Variants in LRMDA observed in about 807,000 individuals in gnomAD.
The protein encoded by LRMDA is leucine rich melanocyte differentiation associated, also known as leucine-rich melanocyte differentiation-associated protein.
A neutral mutation model predicts 29.8 loss-of-function variants in LRMDA; 18 were observed. That is an observed-to-expected ratio of 0.60 (90% CI 0.42 to 0.90). The LOEUF (loss-of-function observed/expected upper bound fraction) is 0.90. Ranked by LOEUF, LRMDA falls within the 40% of genes least tolerant of loss-of-function variation. The pLI, the probability that LRMDA is intolerant of heterozygous loss-of-function variation, is 0.00. For synonymous variants in LRMDA, 125 were observed against 109.4 expected (o/e 1.14, Z -0.89); for missense variants, 273 against 273.9 (o/e 1.00, Z 0.02).
intron 5 of LRMDA, among the ~76,000 whole-genome samples, chr10:76,191,551 C>T (rs1851246966): frequency 6.6e-6 from 1 of 152,110 alleles, no homozygotes; most frequent in South Asian, 2.1e-4. Context: ...AATGGCTAGG[C>T]AACTTGGGGA....
chr10:76,089,814 A>G (rs1053247092), intron 5 of LRMDA, among the ~76,000 whole-genome samples: 1 of 152,214 alleles, frequency 6.6e-6, no homozygotes, highest in Admixed American at 6.5e-5. Context: ...TGGATAAATT[A>G]TAAGTTTGGG....
intron 6 of LRMDA, among the ~76,000 whole-genome samples, chr10:76,460,940 T>A (rs118154283): frequency 3.7e-3 from 566 of 152,296 alleles, no homozygotes; most frequent in Non-Finnish European, 6.2e-3. Context: ...CTGGCTCTGA[T>A]GTTTCTTCTT....
chr10:75,465,369 A>G (rs756219123), intron 2 of LRMDA, among the ~76,000 whole-genome samples: 10 of 152,180 alleles, frequency 6.6e-5, no homozygotes, highest in African/African-American at 2.2e-4. Context: ...ACGCACATCT[A>G]TCTTGTGTTT....
chr10:76,164,468 TTTTG>T (rs1850699293), intron 5 of LRMDA, among the ~76,000 whole-genome samples: 6 of 152,210 alleles, frequency 3.9e-5, no homozygotes, highest in Admixed American at 3.9e-4. Context: ...GTGGCTTGTT[TTTTG>T]TTTGTTTGTT....
intron 6 of LRMDA, among the ~76,000 whole-genome samples, chr10:76,419,521 C>T (rs763481086): frequency 2.0e-5 from 3 of 151,956 alleles, no homozygotes; most frequent in Non-Finnish European, 2.9e-5. Flanking sequence ...ATAAATCTGC[C>T]GTAAACATCT....
In LRMDA at chr10:75,438,424, A is replaced by G. The variant is rs11001391; in HGVS notation, c.61A>G (p.Ile21Val). ...CTACATAGGCCAGGACTGCAGAGAA[A>G]TTCCAGAGCACCTTGGCAGGGACTG... is the stretch of plus-strand genomic sequence containing the variant. Reference protein sequence around the residue: ...VSYIGQDCREIPEHLGRDCGH... With the variant: ...VSYIGQDCREVPEHLGRDCGH... The change falls in exon 2 of 7, where the codon ATT (isoleucine) becomes GTT (valine). Residue 21 changes from isoleucine (I) to valine (V), a missense_variant. Coordinates refer to ENST00000611255, the MANE Select transcript of LRMDA (RefSeq NM_001305581.2). 4.4e-5 allele frequency: 68 copies of G among 1,551,072 alleles called. No individual in the cohort carries two copies. In the East Asian group the frequency reaches 1.6e-3, roughly 37 times the overall value.
chr10:76,481,377 T>G (rs1323825503), intron 6 of LRMDA, among the ~76,000 whole-genome samples: 1 of 151,878 alleles, frequency 6.6e-6, no homozygotes, highest in Non-Finnish European at 1.5e-5. Flanking sequence ...ACTCAGCACA[T>G]TTTTGACAGA....
chr10:75,539,582 A>G (rs1839990671), intron 2 of LRMDA, among the ~76,000 whole-genome samples: 1 of 152,212 alleles, frequency 6.6e-6, no homozygotes, highest in African/African-American at 2.4e-5. Flanking sequence ...ATACTGGCAA[A>G]TAATATTGAT....
chr10:76,428,487 A>G (rs1842154061), intron 6 of LRMDA, among the ~76,000 whole-genome samples: 1 of 152,034 alleles, frequency 6.6e-6, no homozygotes, highest in African/African-American at 2.4e-5. Context: ...CTATAGACCC[A>G]TCATAGATCC....
At position 76,382,204 on chromosome 10, in the gene LRMDA, T is replaced by C. The variant is rs567042769; in HGVS notation, c.601+57719T>C. ...TCACATGCACACATTCTTACGCACA[T>C]GTACACACACAAGCACACAAAGAAT... On this transcript the variant is annotated intron_variant, in intron 6 of 6. Transcript: ENST00000611255. 2.0e-5 allele frequency among the ~76,000 whole-genome samples: 3 copies of C among 152,326 alleles called. No individual in the cohort carries two copies. The East Asian group carries it at 5.8e-4, about 29-fold the overall frequency.
intron 6 of LRMDA, among the ~76,000 whole-genome samples, chr10:76,445,281 T>A (rs1842343661): frequency 6.6e-6 from 1 of 152,188 alleles, no homozygotes; most frequent in Non-Finnish European, 1.5e-5. Flanking sequence ...AAGGCAGTAA[T>A]CACATTTTCT....
At chr10:76,123,677 AAT>A (rs1027346922) in intron 5 of LRMDA, among the ~76,000 whole-genome samples, 24 of 152,332 alleles carry the variant, frequency 1.6e-4, no homozygotes, top group Admixed American at 1.5e-3. Flanking sequence ...TCCTTCTCTG[AAT>A]ATATATAATC....
chr10:76,052,603 T>G (rs909352369), intron 4 of LRMDA, among the ~76,000 whole-genome samples: 1 of 152,210 alleles, frequency 6.6e-6, no homozygotes, highest in Non-Finnish European at 1.5e-5. Context: ...CCTTTTCTCC[T>G]CCTAGCGGTT....
At chr10:75,477,397 G>A (rs552232235) in intron 2 of LRMDA, among the ~76,000 whole-genome samples, 1 of 152,226 alleles carries the variant, frequency 6.6e-6, no homozygotes, top group Admixed American at 6.5e-5. Context: ...TTTGGGGGAT[G>A]GGTACAATTC....
rs1211176543 is a variant in LRMDA at position 76,239,992 on chromosome 10, A to G, written c.517-84409A>G. On this transcript the variant is annotated intron_variant, in intron 5 of 6. Transcript: ENST00000611255. ...ATTGTACACCTTAAACACTATATAC[A>G]GTTTTATTGGTTAATTATATCTCAA... is the stretch of plus-strand genomic sequence containing the variant. Among the ~76,000 whole-genome samples, 6 of 152,212 alleles carry G rather than the reference A, an allele frequency of 3.9e-5. No individual in the cohort carries two copies. The East Asian group carries it at 9.6e-4, about 24-fold the overall frequency.
At chr10:76,072,275 G>A (rs1045398907) in intron 5 of LRMDA, among the ~76,000 whole-genome samples, 5 of 152,082 alleles carry the variant, frequency 3.3e-5, no homozygotes, top group African/African-American at 1.2e-4. Flanking sequence ...AGAGATTTGG[G>A]CTCTAATCCC....
rs7091526 is a variant in LRMDA, at chr10:76,560,012, T to C, written c.*2724T>C. On this transcript the variant is annotated 3_prime_UTR_variant, in exon 7 of 7. Coordinates refer to ENST00000611255, the MANE Select transcript of LRMDA (RefSeq NM_001305581.2). ...AGTACAACTATTGCAGTCATTTGCT[T>C]TTACTTTTACCAGCCTCACTCATAA... is the stretch of plus-strand genomic sequence containing the variant. 0.35 allele frequency: 53,957 copies of C among 152,062 alleles called. 10,359 individuals carry two copies. Among genetic ancestry groups the C allele is most frequent in the African/African-American group, 0.44 (18,218 of 41,460 alleles). The allele number at this position is 152,062 out of a possible 1,614,324, so 9.4% of individuals were successfully genotyped here.
At chr10:75,769,220 C>A (rs1022937971) in intron 2 of LRMDA, among the ~76,000 whole-genome samples, 1 of 152,170 alleles carries the variant, frequency 6.6e-6, no homozygotes, top group Non-Finnish European at 1.5e-5. Flanking sequence ...TCACTTCCAG[C>A]AAGTTATAAA....
chr10:75,796,769 C>T (rs994032991), intron 2 of LRMDA, among the ~76,000 whole-genome samples: 3 of 152,134 alleles, frequency 2.0e-5, no homozygotes, highest in Non-Finnish European at 4.4e-5. Context: ...GATGGGGTTT[C>T]GCCATGTTGG....
Sources: allele counts gnomAD v4.1 joint callset (sites outside exome capture counted in the v4.1 genomes callset), GRCh38; gene constraint gnomAD v4.1.1; transcripts MANE v1.5; gene names NCBI Gene and HGNC (gene_info 2026-07-23, HGNC 2026-07-21).